PDE4D: variants seen among roughly 807,000 people sequenced by gnomAD.
PDE4D encodes 3',5'-cyclic-AMP phosphodiesterase 4D.
Under a neutral mutation model 87.4 loss-of-function variants are expected in PDE4D, and 24 were observed. The ratio of observed to expected loss-of-function variants is 0.27; its 90% CI spans 0.20 to 0.39. The LOEUF (loss-of-function observed/expected upper bound fraction) is 0.39, where lower values mean the gene tolerates loss of function less well. Ranked by LOEUF, PDE4D falls within the 10% of genes least tolerant of loss-of-function variation. The pLI, the probability that PDE4D is intolerant of heterozygous loss-of-function variation, is 1.00. For missense variants in PDE4D, 714 were observed against 1,041.0 expected (o/e 0.69, Z 4.32); for synonymous variants, 384 against 383.2 (o/e 1.00, Z -0.02).
chr5:60,105,237 C>T (rs527747449), intron 2 of PDE4D, among the ~76,000 whole-genome samples: 6 of 152,030 alleles, frequency 3.9e-5, no homozygotes, highest in East Asian at 1.9e-4. Context: ...GGAGCCAATG[C>T]GATCAACTGG....
At chr5:59,368,956 G>A (rs1215024474) in intron 1 of PDE4D, among the ~76,000 whole-genome samples, 1 of 152,202 alleles carries the variant, frequency 6.6e-6, no homozygotes, top group Non-Finnish European at 1.5e-5. Context: ...AGGATGGGTT[G>A]GGGTGCCCCT....
intron 1 of PDE4D, among the ~76,000 whole-genome samples, chr5:60,333,433 C>T (rs1448821626): frequency 1.3e-5 from 2 of 152,098 alleles, no homozygotes; most frequent in African/African-American, 2.4e-5. Flanking sequence ...AAAACTGACA[C>T]AGTGGGTCTG....
At chr5:59,773,208 G>A (rs183278885) in intron 1 of PDE4D, among the ~76,000 whole-genome samples, 88 of 152,206 alleles carry the variant, frequency 5.8e-4, no homozygotes, top group African/African-American at 1.9e-3. Context: ...TGTTGCTTTC[G>A]TACTACAATT....
intron 1 of PDE4D, among the ~76,000 whole-genome samples, chr5:59,517,249 C>A (rs932768326): frequency 3.3e-5 from 5 of 152,210 alleles, no homozygotes; most frequent in Non-Finnish European, 7.4e-5. Context: ...CTAGCCAGCA[C>A]TGAAAACTTC....
At chr5:59,251,707 C>T (rs1365921016) in intron 1 of PDE4D, among the ~76,000 whole-genome samples, 2 of 152,062 alleles carry the variant, frequency 1.3e-5, no homozygotes, top group East Asian at 1.9e-4. Flanking sequence ...AATCATTCTA[C>T]CATAAAGATA....
intron 1 of PDE4D, among the ~76,000 whole-genome samples, chr5:60,300,779 C>A (rs1230786851): frequency 7.0e-6 from 1 of 142,794 alleles, no homozygotes; most frequent in Non-Finnish European, 1.5e-5. Flanking sequence ...TTTTTTTTTT[C>A]TTTTTCTTTT....
intron 5 of PDE4D, among the ~76,000 whole-genome samples, chr5:59,066,227 A>G (rs1189018254): frequency 4.6e-5 from 7 of 152,150 alleles, no homozygotes; most frequent in Admixed American, 4.6e-4. Flanking sequence ...TAACAATTCT[A>G]GAGCAACTGT....
At chr5:59,093,813 A>G (rs1172950815) in intron 5 of PDE4D, among the ~76,000 whole-genome samples, 2 of 152,202 alleles carry the variant, frequency 1.3e-5, no homozygotes, top group East Asian at 3.8e-4. Flanking sequence ...GCAAACATCA[A>G]CTGAAGAAAG....
chr5:59,904,871 A>C (rs939006747), intron 3 of PDE4D, among the ~76,000 whole-genome samples: 1 of 152,148 alleles, frequency 6.6e-6, no homozygotes, highest in African/African-American at 2.4e-5. Context: ...TAAATTGTTA[A>C]ATTTCCAAGT....
At chr5:59,789,694 T>C (rs1765572693) in intron 1 of PDE4D, among the ~76,000 whole-genome samples, 1 of 152,196 alleles carries the variant, frequency 6.6e-6, no homozygotes, top group Non-Finnish European at 1.5e-5. Context: ...AAATCCTTGA[T>C]TTAGTTCCAT....
At chr5:60,017,695 A>G (rs1765658515) in intron 2 of PDE4D, among the ~76,000 whole-genome samples, 1 of 152,068 alleles carries the variant, frequency 6.6e-6, no homozygotes, top group East Asian at 1.9e-4. Flanking sequence ...GCAGTCTATC[A>G]TTGGTGGGCA....
chr5:59,511,691 T>A (rs1387240325), intron 1 of PDE4D, among the ~76,000 whole-genome samples: 2 of 152,018 alleles, frequency 1.3e-5, no homozygotes, highest in Admixed American at 1.3e-4. Context: ...TTCACTTTGA[T>A]AAATATGAAA....
At chr5:59,072,455 T>TTAA (rs1729231327) in intron 5 of PDE4D, among the ~76,000 whole-genome samples, 1 of 152,210 alleles carries the variant, frequency 6.6e-6, no homozygotes, top group Admixed American at 6.5e-5. Context: ...AAGTGTTTAT[T>TTAA]TAATCCCTCT....
intron 6 of PDE4D, among the ~76,000 whole-genome samples, chr5:59,020,143 A>G (rs983109311): frequency 6.6e-6 from 1 of 152,178 alleles, no homozygotes; most frequent in African/African-American, 2.4e-5. Context: ...TCAAATACAA[A>G]TAATAAAGTC....
At chr5:59,127,116 T>C (rs773538396) in intron 5 of PDE4D, among the ~76,000 whole-genome samples, 1 of 152,198 alleles carries the variant, frequency 6.6e-6, no homozygotes, top group Non-Finnish European at 1.5e-5. Context: ...GCCTGCAGTG[T>C]TCCCTTCCTA....
At chr5:59,967,116 G>A (rs574450500) in intron 3 of PDE4D, among the ~76,000 whole-genome samples, 77 of 152,096 alleles carry the variant, frequency 5.1e-4, no homozygotes, top group Middle Eastern at 3.4e-3. Context: ...TTCATACCAC[G>A]TAAGGGTTAC....
chr5:60,207,798 T>G lies in PDE4D; in HGVS notation c.-89-22111A>C, dbSNP rs557899606. On this transcript the variant is annotated intron_variant, in intron 1 of 16. Transcript: ENST00000502484. ...AGTTATAGAACAATCACATTTAGTA[T>G]TGAATCAATCAATGGTCTGCTCTTA... Among the ~76,000 whole-genome samples, 3 of 152,226 alleles carry G rather than the reference T, an allele frequency of 2.0e-5. No homozygotes were observed. The East Asian group carries it at 5.8e-4, about 29-fold the overall frequency.
chr5:59,100,574 C>A (rs1007010050), intron 5 of PDE4D, among the ~76,000 whole-genome samples: 1 of 152,248 alleles, frequency 6.6e-6, no homozygotes, highest in African/African-American at 2.4e-5. Context: ...AAACTCCACT[C>A]GTGTAGAAAT....
intron 1 of PDE4D, among the ~76,000 whole-genome samples, chr5:60,252,576 G>C (rs1395416346): frequency 6.6e-6 from 1 of 151,722 alleles, no homozygotes; most frequent in Non-Finnish European, 1.5e-5. Context: ...AAATATGGTA[G>C]TGGCAATGGC....
Sources: gnomAD v4.1 joint callset for allele counts (sites outside exome capture counted in the v4.1 genomes callset) on GRCh38, gnomAD v4.1.1 for gene constraint, MANE v1.5 for transcripts, NCBI Gene and HGNC (gene_info 2026-07-23, HGNC 2026-07-21) for gene names.